PIEZO1: variants seen among roughly 807,000 people sequenced by gnomAD.
PIEZO1 encodes the protein piezo-type mechanosensitive ion channel component 1.
Under a neutral mutation model 297.2 loss-of-function variants are expected in PIEZO1, and 296 were observed. The ratio of observed to expected loss-of-function variants is 1.00; its 90% CI spans 0.91 to 1.10. PIEZO1 has a LOEUF of 1.10. Among genes scored for constraint, PIEZO1 ranks in the 50% least tolerant of loss-of-function variants. The probability of loss-of-function intolerance (pLI) is 0.00; values close to 1 mark genes in which losing one functional copy is unlikely to be tolerated. For missense variants in PIEZO1, 5,018 were observed against 3,455.5 expected (o/e 1.45, Z -11.34); for synonymous variants, 2,427 against 1,507.5 (o/e 1.61, Z -14.13).
chr16:88,723,812 T>A (rs1567663860), intron 31 of PIEZO1, 59 bp downstream of exon 31: 1 of 923,994 alleles, frequency 1.1e-6, no homozygotes, highest in Non-Finnish European at 1.7e-6. Flanking sequence ...TATGCTGCCC[T>A]GGTCCAGGAC....
chr16:88,736,284 C>T lies in PIEZO1; in HGVS notation c.1421G>A (p.Gly474Glu). ...GTAGCGTAGGCAGCACAGCGTCATC[C>T]CATACAGCAGGATGCAGGGCGAGCA... is the stretch of plus-strand genomic sequence containing the variant. ...MLCSPCILLYGMTLCCLRYVW... is the reference protein window; with the variant it reads ...MLCSPCILLYEMTLCCLRYVW... Residue 474 changes from glycine (G) to glutamate (E), a missense_variant, in exon 12 of 51, where the codon GGG (glycine) becomes GAG (glutamate). Gly to Glu is a moderately conservative substitution (Grantham distance 98). Transcript: ENST00000301015. The T allele has an allele frequency of 6.5e-7, 1 of 1,550,206 alleles. No individual in the cohort carries two copies. The highest frequency in any genetic ancestry group is 8.7e-7 in the Non-Finnish European group (1 of 1,146,864).
In PIEZO1 at chr16:88,715,935, G is replaced by C; in HGVS notation, c.7314C>G (p.Tyr2438Ter). 6.5e-7 allele frequency: 1 copy of C among 1,549,084 alleles called. No homozygotes were observed. Among genetic ancestry groups the C allele is most frequent in the Non-Finnish European group, 8.7e-7 (1 of 1,146,200 alleles). ...TGCCCCCCCAGCCACTCACTCACCC[G>C]TAGCCAGCCAGGAAGCCGAGGCTCG... ...SPPSLGFLAG[Y>*]GIMGLYVSIV... The change falls in exon 50 of 51, where the codon TAC becomes TAG. Residue 2438 changes from tyrosine (Y) to a stop codon, truncating the protein, a stop_gained and splice_region_variant. Transcript: ENST00000301015. LOFTEE classifies it high-confidence loss of function.
chr16:88,722,075 A>C lies in PIEZO1; in HGVS notation c.4956-9T>G, dbSNP rs1454399237. On this transcript the variant is annotated splice_polypyrimidine_tract_variant and intron_variant, in intron 36 of 50. Transcript: ENST00000301015. ...CTGGGATGCGCAGGCGCCTACAGGG[A>C]GACCCGCGTGTTTGGGGGAGTCTGG... 1 of 1,541,744 alleles carries C rather than the reference A, an allele frequency of 6.5e-7. No homozygotes were observed. The highest frequency in any genetic ancestry group is 8.7e-7 in the Non-Finnish European group (1 of 1,143,200).
intron 1 of PIEZO1, among the ~76,000 whole-genome samples, chr16:88,768,380 A>G (rs2926774): frequency 0.34 from 51,686 of 152,104 alleles, 12,233 homozygotes; most frequent in African/African-American, 0.68. Context: ...CAGAGAGTGG[A>G]TTGTTCCCTG....
At chr16:88,765,952 G>A (rs1280920032) in intron 1 of PIEZO1, among the ~76,000 whole-genome samples, 1 of 152,156 alleles carries the variant, frequency 6.6e-6, no homozygotes, top group Non-Finnish European at 1.5e-5. Flanking sequence ...GGGGATACAG[G>A]TGTGAGCACT....
chr16:88,729,932 G>A (rs1409374882), intron 22 of PIEZO1, among the ~76,000 whole-genome samples: 1 of 152,244 alleles, frequency 6.6e-6, no homozygotes, highest in African/African-American at 2.4e-5. Flanking sequence ...AGTTACCCTC[G>A]ATGTTGGGGA....
chr16:88,782,226 T>A (rs770059588), intron 1 of PIEZO1, among the ~76,000 whole-genome samples: 149 of 152,190 alleles, frequency 9.8e-4, no homozygotes, highest in Admixed American at 3.8e-3. Flanking sequence ...CATCCCACCT[T>A]GGCCTCCTGA....
intron 38 of PIEZO1, 49 bp from the exon 39 acceptor site, chr16:88,721,479 A>AG (rs754799548): frequency 1.3e-6 from 2 of 1,538,098 alleles, no homozygotes; most frequent in African/African-American, 2.8e-5. Flanking sequence ...CCTGGTGGAG[A>AG]GCACAGGTGC....
rs922414644 is a variant in PIEZO1, at chr16:88,731,748, G to C, written c.3154C>G (p.Gln1052Glu). ...GGCATCCCCAGGCACAGCAGGTACT[G>C]GTACAGCAGGAACAGCGCCAGGAAG... is the stretch of plus-strand genomic sequence containing the variant. ...CLFLALFLLYQYLLCLGMPPA... is the reference protein window; with the variant it reads ...CLFLALFLLYEYLLCLGMPPA... Residue 1052 changes from glutamine to glutamate, a missense_variant, in exon 22 of 51, where the codon CAG (glutamine) becomes GAG (glutamate). Transcript: ENST00000301015. 12 of 1,549,686 alleles carry C rather than the reference G, an allele frequency of 7.7e-6. No homozygotes were observed. In the African/African-American group the frequency reaches 1.1e-4, roughly 14 times the overall value.
intron 1 of PIEZO1, among the ~76,000 whole-genome samples, chr16:88,777,064 C>T (rs1567489430): frequency 6.6e-6 from 1 of 151,236 alleles, no homozygotes; most frequent in Admixed American, 6.6e-5. Flanking sequence ...ACTCCGTCTC[C>T]CGGATTCAAG....
intron 1 of PIEZO1, among the ~76,000 whole-genome samples, chr16:88,766,538 G>A (rs994067473): frequency 1.3e-5 from 2 of 152,220 alleles, no homozygotes; most frequent in African/African-American, 4.8e-5. Flanking sequence ...CCAGCACCTG[G>A]CAGGGCCCAA....
chr16:88,783,967 C>G lies in PIEZO1; in HGVS notation c.64+934G>C, dbSNP rs536796570. On this transcript the variant is annotated intron_variant, in intron 1 of 50. Coordinates refer to ENST00000301015, the MANE Select transcript of PIEZO1 (RefSeq NM_001142864.4). ...TGGCGGACTCCCAATGCAAACCGTCCCACTTGTCCGTGGGTTAATTCCATC... is the reference window on the plus strand; with the variant it reads ...TGGCGGACTCCCAATGCAAACCGTCGCACTTGTCCGTGGGTTAATTCCATC... Among the ~76,000 whole-genome samples, 338 of 152,358 alleles carry G rather than the reference C, an allele frequency of 2.2e-3. 1 individual carries two copies. The highest frequency in any genetic ancestry group is 7.7e-3 in the African/African-American group (322 of 41,584).
rs1905432428 is a variant in PIEZO1 at position 88,738,731 on chromosome 16, A to G, written c.471T>C (p.Asp157=). The change falls in exon 6 of 51, where the codon GAT becomes GAC. Residue 157 remains aspartate, a synonymous_variant. Coordinates refer to ENST00000301015, the MANE Select transcript of PIEZO1 (RefSeq NM_001142864.4). ...GGCTGGCATCCACATCCCTCTCATCATCATCCTGCCAAGGTCACGGACAGG... is the reference window on the plus strand; with the variant it reads ...GGCTGGCATCCACATCCCTCTCATCGTCATCCTGCCAAGGTCACGGACAGG... ...RQSPHPRELD[D]DERDVDASPT... 1.3e-6 allele frequency: 2 copies of G among 1,529,460 alleles called. No individual in the cohort carries two copies. The highest frequency in any genetic ancestry group is 1.8e-6 in the Non-Finnish European group (2 of 1,141,792). The allele number at this position is 1,529,460 out of a possible 1,614,324, so 94.7% of individuals were successfully genotyped here.
Position 88,774,790 on chromosome 16 carries a change from G to A in PIEZO1, c.64+10111C>T, listed in dbSNP as rs573472042. 3.2e-4 allele frequency among the ~76,000 whole-genome samples: 48 copies of A among 152,190 alleles called. 1 individual carries two copies. The highest frequency in any genetic ancestry group is 5.1e-4 in the Non-Finnish European group (35 of 68,020). ...GGATTCCGCAAAAACAGGGCACCCCGGAGCCGGCTGCGCAGGAGCGAACGG... is the reference window on the plus strand; with the variant it reads ...GGATTCCGCAAAAACAGGGCACCCCAGAGCCGGCTGCGCAGGAGCGAACGG... On this transcript the variant is annotated intron_variant, in intron 1 of 50. Transcript: ENST00000301015.
chr16:88,750,450 G>A (rs149596286), intron 1 of PIEZO1, among the ~76,000 whole-genome samples: 10 of 152,360 alleles, frequency 6.6e-5, no homozygotes, highest in Admixed American at 2.0e-4. Context: ...AATGCTCTGC[G>A]TGGCCGCACT....
chr16:88,731,922 A>ATGCACTGAGTCTGGG lies in PIEZO1; in HGVS notation c.2992-13_2992-12insCCCAGACTCAGTGCA. ...ATCAGGAAGCAGATCTGGGGAGGGG[A>ATGCACTGAGTCTGGG]GAGGGCGGGGTGTGGGGATGCACTG... On this transcript the variant is annotated splice_polypyrimidine_tract_variant and intron_variant, in intron 21 of 50. Coordinates refer to ENST00000301015, the MANE Select transcript of PIEZO1 (RefSeq NM_001142864.4). The ATGCACTGAGTCTGGG allele has an allele frequency of 2.7e-6, 1 of 374,956 alleles. No individual in the cohort carries two copies. The highest frequency in any genetic ancestry group is 3.6e-6 in the Non-Finnish European group (1 of 281,116). 23.2% of individuals were successfully genotyped at this position (374,956 alleles called of 1,614,324 possible).
intron 2 of PIEZO1, among the ~76,000 whole-genome samples, chr16:88,748,488 TCCCC>T (rs67008739): frequency 0.014 from 1,853 of 136,262 alleles, 42 homozygotes; most frequent in East Asian, 0.095. Flanking sequence ...GGGTCTCAGC[TCCCC>T]CCCCCCCCCG....
chr16:88,750,663 A>T (rs1375478618), intron 1 of PIEZO1, among the ~76,000 whole-genome samples: 2 of 152,228 alleles, frequency 1.3e-5, no homozygotes, highest in Non-Finnish European at 2.9e-5. Flanking sequence ...GCCACGTGCT[A>T]GCCAGGCCTG....
At chr16:88,725,797 G>T in intron 27 of PIEZO1, 113 bp from the exon 28 acceptor site, 1 of 664,548 alleles carries the variant, frequency 1.5e-6, no homozygotes, top group Non-Finnish European at 2.7e-6. Context: ...CTCTGCCCAC[G>T]CTGGACAAGA....
Sources: gnomAD v4.1 joint callset for allele counts (sites outside exome capture counted in the v4.1 genomes callset) on GRCh38, gnomAD v4.1.1 for gene constraint, MANE v1.5 for transcripts, NCBI Gene and HGNC (gene_info 2026-07-23, HGNC 2026-07-21) for gene names.